The following RALGPS2 variants were observed in gnomAD, a reference collection of about 807,000 sequenced individuals.
RALGPS2 encodes the protein Ral GEF with PH domain and SH3 binding motif 2.
RALGPS2 carries 43 observed loss-of-function variants against 86.8 expected under a neutral mutation model. The ratio of observed to expected loss-of-function variants is 0.50; its 90% CI spans 0.39 to 0.64. The LOEUF (loss-of-function observed/expected upper bound fraction) is 0.64. Ranked by LOEUF, RALGPS2 falls within the 30% of genes least tolerant of loss-of-function variation. The pLI, the probability that RALGPS2 is intolerant of heterozygous loss-of-function variation, is 0.00. For missense variants in RALGPS2, 536 were observed against 694.6 expected (o/e 0.77, Z 2.57); for synonymous variants, 243 against 231.3 (o/e 1.05, Z -0.46).
Position 178,870,341 on chromosome 1 carries a change from G to A in RALGPS2, c.608-7157G>A, listed in dbSNP as rs576516483. ...TTCAGCACACACACTGTGGCTGCAG[G>A]AAGAGAAACTAATTGTGTTCACGAC... is the stretch of plus-strand genomic sequence containing the variant. On this transcript the variant is annotated intron_variant, in intron 8 of 19. Transcript: ENST00000367635. 4.6e-5 allele frequency among the ~76,000 whole-genome samples: 7 copies of A among 152,250 alleles called. No individual in the cohort carries two copies. The East Asian group carries it at 9.7e-4, about 21-fold the overall frequency.
At chr1:178,864,937 A>G in intron 8 of RALGPS2, 1 of 1,413,118 alleles carries the variant, frequency 7.1e-7, no homozygotes, top group Non-Finnish European at 9.3e-7. Flanking sequence ...CACTTTTTAC[A>G]GTAAGAGGTA....
chr1:178,807,513 G>C (rs1015194327), intron 4 of RALGPS2, among the ~76,000 whole-genome samples: 2 of 152,096 alleles, frequency 1.3e-5, no homozygotes, highest in African/African-American at 4.8e-5. Context: ...TAAAAGGACT[G>C]TCTTATTTCA....
chr1:178,864,479 TGA>T (rs1658247827), intron 8 of RALGPS2, among the ~76,000 whole-genome samples: 1 of 152,128 alleles, frequency 6.6e-6, no homozygotes, highest in Admixed American at 6.6e-5. Flanking sequence ...AGTCATCTGC[TGA>T]GAGTGGAGAT....
intron 2 of RALGPS2, among the ~76,000 whole-genome samples, chr1:178,780,841 G>A (rs1293550420): frequency 6.6e-6 from 1 of 151,876 alleles, no homozygotes; most frequent in African/African-American, 2.4e-5. Flanking sequence ...TAAACAGATG[G>A]GAGCTTTCCT....
intron 1 of RALGPS2, among the ~76,000 whole-genome samples, chr1:178,738,667 C>T (rs1650857413): frequency 6.6e-6 from 1 of 152,108 alleles, no homozygotes; most frequent in South Asian, 2.1e-4. Flanking sequence ...TAAGGATAGA[C>T]AATGGTTATA....
intron 1 of RALGPS2, among the ~76,000 whole-genome samples, chr1:178,749,154 T>C (rs185974901): frequency 2.6e-5 from 4 of 152,294 alleles, no homozygotes; most frequent in Admixed American, 2.0e-4. Context: ...ATTTGTCTTT[T>C]GTTTTTGGAC....
chr1:178,803,958 C>A (rs183062369), intron 4 of RALGPS2, among the ~76,000 whole-genome samples: 3 of 152,054 alleles, frequency 2.0e-5, no homozygotes, highest in Non-Finnish European at 2.9e-5. Flanking sequence ...TTGAGTCTAT[C>A]GTATCCATAT....
At chr1:178,784,740 A>G (rs1330422552) in intron 3 of RALGPS2, among the ~76,000 whole-genome samples, 3 of 152,106 alleles carry the variant, frequency 2.0e-5, no homozygotes, top group East Asian at 3.8e-4. Context: ...TATAAGTTAC[A>G]CTTCAATTTG....
intron 6 of RALGPS2, among the ~76,000 whole-genome samples, chr1:178,813,771 A>G (rs1357722439): frequency 6.6e-6 from 1 of 152,122 alleles, no homozygotes; most frequent in Non-Finnish European, 1.5e-5. Flanking sequence ...GGAAACACCA[A>G]TTTTCAATGT....
chr1:178,779,611 A>C (rs1364170861), intron 2 of RALGPS2, among the ~76,000 whole-genome samples: 1 of 152,244 alleles, frequency 6.6e-6, no homozygotes, highest in East Asian at 1.9e-4. Context: ...CCACAAAATC[A>C]AGTTTCTTAT....
chr1:178,896,558 G>A (rs1239772723), intron 16 of RALGPS2, among the ~76,000 whole-genome samples: 2 of 148,192 alleles, frequency 1.3e-5, no homozygotes, highest in African/African-American at 2.5e-5. Flanking sequence ...ATGCTGGTGC[G>A]CTGCACCCAC....
Position 178,821,687 on chromosome 1 carries a change from T to C in RALGPS2, c.463T>C (p.Leu155=). The C allele has an allele frequency of 6.2e-7, 1 of 1,612,490 alleles. No individual in the cohort carries two copies. Among genetic ancestry groups the C allele is most frequent in the Non-Finnish European group, 8.5e-7 (1 of 1,178,654 alleles). The change falls in exon 7 of 20, where the codon TTG becomes CTG. Residue 155 remains leucine, a synonymous_variant. Transcript: ENST00000367635. ...CCTACAGAGTGCCCCAATTTTCAGG[T>C]TGACTAAAACATGGGCGGTGAGTAA... ...SGLQSAPIFR[L]TKTWALLSRK... is the part of the protein sequence containing the mutation.
chr1:178,739,633 G>A (rs781287461), intron 1 of RALGPS2, among the ~76,000 whole-genome samples: 10 of 152,210 alleles, frequency 6.6e-5, no homozygotes, highest in Admixed American at 3.9e-4. Context: ...TCAGCCCTTA[G>A]AAATGAAGCA....
intron 1 of RALGPS2, chr1:178,747,835 A>G: frequency 1.6e-6 from 1 of 612,672 alleles, no homozygotes; most frequent in Non-Finnish European, 2.9e-6. Flanking sequence ...GAGAGCCTAT[A>G]TTACATTAAT....
chr1:178,845,174 C>T (rs1316606694), intron 8 of RALGPS2, among the ~76,000 whole-genome samples: 2 of 151,736 alleles, frequency 1.3e-5, no homozygotes, highest in Non-Finnish European at 2.9e-5. Flanking sequence ...GTACTGCTTC[C>T]TATTAAGTAG....
Position 178,904,819 on chromosome 1 carries a change from C to G in RALGPS2, c.1631-1957C>G, listed in dbSNP as rs542547872. On this transcript the variant is annotated intron_variant, in intron 18 of 19. Transcript: ENST00000367635. The stretch of plus-strand genomic sequence containing the variant: ...TTGTTCTTTTCACTTAGTCTTGCTT[C>G]GGCTGTGGTGGGCTCTTTTTTGATT... Among the ~76,000 whole-genome samples the G allele has an allele frequency of 1.2e-3, 176 of 152,128 alleles. 1 individual carries two copies. The highest frequency in any genetic ancestry group is 3.4e-3 in the Middle Eastern group (1 of 294).
chr1:178,892,430 A>G, intron 15 of RALGPS2, 123 bp downstream of exon 15: 1 of 754,842 alleles, frequency 1.3e-6, no homozygotes, highest in Non-Finnish European at 2.1e-6. Flanking sequence ...AACTAAACAA[A>G]TTACCTAGAA....
chr1:178,875,512 C>T (rs1355644090), intron 8 of RALGPS2, among the ~76,000 whole-genome samples: 1 of 152,074 alleles, frequency 6.6e-6, no homozygotes, highest in African/African-American at 2.4e-5. Flanking sequence ...CTTTGGGAGG[C>T]TGAGGCGGGT....
At chr1:178,738,758 A>G (rs576206344) in intron 1 of RALGPS2, among the ~76,000 whole-genome samples, 10 of 152,314 alleles carry the variant, frequency 6.6e-5, no homozygotes, top group Non-Finnish European at 1.0e-4. Context: ...GTAATTGGGT[A>G]TAATAGTGCC....
Sources: gnomAD v4.1 joint callset for allele counts (sites outside exome capture counted in the v4.1 genomes callset) on GRCh38, gnomAD v4.1.1 for gene constraint, MANE v1.5 for transcripts, NCBI Gene and HGNC (gene_info 2026-07-23, HGNC 2026-07-21) for gene names.